Variants in SLC35D2 observed in about 807,000 individuals in gnomAD.
SLC35D2 encodes nucleotide sugar transporter SLC35D2.
Under a neutral mutation model 41.8 loss-of-function variants are expected in SLC35D2, and 43 were observed. The ratio of observed to expected loss-of-function variants is 1.03; its 90% CI spans 0.81 to 1.33. SLC35D2 has a LOEUF of 1.33. Among genes scored for constraint, SLC35D2 ranks in the 40% most tolerant of loss-of-function variants. SLC35D2 has a pLI of 0.00. For synonymous variants in SLC35D2, 150 were observed against 163.9 expected (o/e 0.92, Z 0.65); for missense variants, 380 against 408.4 (o/e 0.93, Z 0.60).
At chr9:96,313,454 G>C (rs1162953769) in exon 12 of SLC35D2, among the ~76,000 whole-genome samples, 1 of 152,198 alleles carries the variant, frequency 6.6e-6, no homozygotes, top group Non-Finnish European at 1.5e-5. Flanking sequence ...TCAGTGTTCA[G>C]AGTTTTTATT....
At position 96,359,818 on chromosome 9, in the gene SLC35D2, C is replaced by T. The variant is rs138081066; in HGVS notation, c.347+336G>A. 2.9e-3 allele frequency among the ~76,000 whole-genome samples: 448 copies of T among 152,290 alleles called. 14 individuals carry two copies. The East Asian group carries it at 0.065, about 22-fold the overall frequency. On this transcript the variant is annotated intron_variant, in intron 4 of 11. Transcript: ENST00000253270. ...CACCAAGGCTGAGGAGATGTTCCTG[C>T]TCTTATAAAACTGAGATGAAACCAA... is the stretch of plus-strand genomic sequence containing the variant.
chr9:96,321,429 T>C (rs1828221131), intron 11 of SLC35D2, 88 bp from the exon 12 acceptor site: 1 of 822,632 alleles, frequency 1.2e-6, no homozygotes, highest in Non-Finnish European at 2.0e-6. Flanking sequence ...TCAATACACC[T>C]GCTTCATGCG....
At chr9:96,325,170 C>A (rs1355549225) in intron 9 of SLC35D2, among the ~76,000 whole-genome samples, 6 of 152,122 alleles carry the variant, frequency 3.9e-5, no homozygotes, top group Non-Finnish European at 7.3e-5. Context: ...TGTGGATGAG[C>A]GCCAGACAAG....
Position 96,336,751 on chromosome 9 carries a change from A to T in SLC35D2, c.718T>A (p.Phe240Ile). Residue 240 changes from phenylalanine (F) to isoleucine (I), a missense_variant, in exon 9 of 12, where the codon TTT (phenylalanine) becomes ATT (isoleucine). Phe to Ile is a conservative substitution (Grantham distance 21). Coordinates refer to ENST00000253270, the MANE Select transcript of SLC35D2 (RefSeq NM_007001.3). ...TEFNQWKNVVFILQFLLSCFL... is the reference protein window; with the variant it reads ...TEFNQWKNVVIILQFLLSCFL... Reference sequence around the variant, plus strand: ...CAGGAAAGAAGAAACTGTAGGATAAACACAACATTCTTCCATTGGTTGAAT... The same window carrying T: ...CAGGAAAGAAGAAACTGTAGGATAATCACAACATTCTTCCATTGGTTGAAT... 3.8e-6 allele frequency: 6 copies of T among 1,587,214 alleles called. No individual in the cohort carries two copies. The highest frequency in any genetic ancestry group is 5.2e-6 in the Non-Finnish European group (6 of 1,161,092).
chr9:96,313,687 C>G (rs1452232908), exon 12 of SLC35D2, among the ~76,000 whole-genome samples: 1 of 152,238 alleles, frequency 6.6e-6, no homozygotes, highest in African/African-American at 2.4e-5. Context: ...AAGCTTAGGG[C>G]AAAGACCAGA....
At chr9:96,344,733 G>A (rs1247111112) in intron 7 of SLC35D2, among the ~76,000 whole-genome samples, 2 of 148,052 alleles carry the variant, frequency 1.4e-5, no homozygotes, top group Non-Finnish European at 3.0e-5. Context: ...AGGGATGGGG[G>A]AGGGGGAGGG....
intron 1 of SLC35D2, among the ~76,000 whole-genome samples, chr9:96,383,163 A>T (rs1184000764): frequency 6.6e-6 from 1 of 152,222 alleles, no homozygotes; most frequent in Non-Finnish European, 1.5e-5. Flanking sequence ...CCTTTGAAGC[A>T]GGCATTTGAA....
rs1209019475 is a variant in SLC35D2 at position 96,371,812 on chromosome 9, C to T, written c.159-3507G>A. Among the ~76,000 whole-genome samples, 14 of 145,462 alleles carry T rather than the reference C, an allele frequency of 9.6e-5. No individual in the cohort carries two copies. The East Asian group carries it at 2.6e-3, about 27-fold the overall frequency. ...CGGGATCTCGGCTCACTGCAAGCTC[C>T]GCCTCCCGGGTTCACGCCATTCTCC... On this transcript the variant is annotated intron_variant, in intron 1 of 11. Transcript: ENST00000253270.
In SLC35D2 at chr9:96,323,985, G is replaced by A. The variant is rs1033612098; in HGVS notation, c.831+106C>T. The A allele has an allele frequency of 2.1e-5, 20 of 934,456 alleles. No homozygotes were observed. The Middle Eastern group carries it at 9.0e-4, about 42-fold the overall frequency. 57.9% of individuals were successfully genotyped at this position (934,456 alleles called of 1,614,324 possible). A position where few individuals can be genotyped will look rare whatever the true frequency, so the allele number is the denominator to read the frequency against. ...CCGAGCTGAAAAGGTCACAGCCCTCGTTCTTACACCACCACCAACAACAAA... is the reference window on the plus strand; with the variant it reads ...CCGAGCTGAAAAGGTCACAGCCCTCATTCTTACACCACCACCAACAACAAA... On this transcript the variant is annotated intron_variant, in intron 10 of 11. Coordinates refer to ENST00000253270, the MANE Select transcript of SLC35D2 (RefSeq NM_007001.3).
chr9:96,340,371 C>T (rs1829259763), intron 8 of SLC35D2, among the ~76,000 whole-genome samples: 1 of 151,954 alleles, frequency 6.6e-6, no homozygotes, highest in Admixed American at 6.6e-5. Context: ...GTAATTCTAG[C>T]ATTTTGGAAG....
chr9:96,337,981 CAAA>C (rs67714645), intron 8 of SLC35D2, among the ~76,000 whole-genome samples: 1 of 33,900 alleles, frequency 2.9e-5, no homozygotes, highest in Non-Finnish European at 5.2e-5. Context: ...AACTCCACCT[CAAA>C]AAAAAAAAAA....
At position 96,321,341 on chromosome 9, in the gene SLC35D2, GC is replaced by G. The variant is rs764379195; in HGVS notation, c.915-1del. On this transcript the variant is annotated splice_acceptor_variant, in intron 11 of 11. Transcript: ENST00000253270. LOFTEE classifies it high-confidence loss of function. ...AGGAATATCTCAAGCCCCCTGCCAT[GC>G]TGAAAGGAGAAAAAAAAGTGAAAAT... is the stretch of plus-strand genomic sequence containing the variant. 6.2e-7 allele frequency: 1 copy of G among 1,609,046 alleles called. No individual in the cohort carries two copies. Among genetic ancestry groups the G allele is most frequent in the South Asian group, 1.1e-5 (1 of 90,364 alleles).
At chr9:96,349,821 G>A (rs1189481330) in intron 6 of SLC35D2, among the ~76,000 whole-genome samples, 4 of 152,142 alleles carry the variant, frequency 2.6e-5, no homozygotes, top group Admixed American at 6.5e-5. Flanking sequence ...CACCACGCCC[G>A]GCCTGTCAGT....
intron 3 of SLC35D2, 36 bp from the exon 4 acceptor site, chr9:96,360,257 G>GA (rs1488874173): frequency 6.7e-7 from 1 of 1,499,302 alleles, no homozygotes; most frequent in Non-Finnish European, 9.2e-7. Context: ...TATTTGGTTA[G>GA]AACTCCAATA....
chr9:96,326,947 C>T (rs1055092623), intron 9 of SLC35D2, among the ~76,000 whole-genome samples: 3 of 152,174 alleles, frequency 2.0e-5, no homozygotes, highest in Non-Finnish European at 4.4e-5. Flanking sequence ...ACTGATGCCA[C>T]TGAGTGCCTG....
At chr9:96,313,635 C>A (rs1280160867) in exon 12 of SLC35D2, among the ~76,000 whole-genome samples, 1 of 152,186 alleles carries the variant, frequency 6.6e-6, no homozygotes, top group Non-Finnish European at 1.5e-5. Flanking sequence ...CCCAAGGTCC[C>A]CAGGCAAACA....
intron 8 of SLC35D2, among the ~76,000 whole-genome samples, chr9:96,339,998 C>T (rs1239129432): frequency 6.6e-6 from 1 of 152,194 alleles, no homozygotes; most frequent in East Asian, 1.9e-4. Context: ...GAGAAGTTAA[C>T]ATTTTGCTCT....
In SLC35D2 at chr9:96,336,746, G is replaced by A. The variant is rs1829068384; in HGVS notation, c.723C>T (p.Ile241=). ...AAAAACAGGAAAGAAGAAACTGTAGGATAAACACAACATTCTTCCATTGGT... is the reference window on the plus strand; with the variant it reads ...AAAAACAGGAAAGAAGAAACTGTAGAATAAACACAACATTCTTCCATTGGT... ...EFNQWKNVVF[I]LQFLLSCFLG... Residue 241 remains isoleucine (I), a synonymous_variant, in exon 9 of 12, where the codon ATC becomes ATT. Coordinates refer to ENST00000253270, the MANE Select transcript of SLC35D2 (RefSeq NM_007001.3). 3.2e-6 allele frequency: 5 copies of A among 1,586,768 alleles called. No individual in the cohort carries two copies. Among genetic ancestry groups the A allele is most frequent in the Admixed American group, 3.4e-5 (2 of 58,520 alleles).
chr9:96,336,246 G>T (rs559762548), intron 9 of SLC35D2, among the ~76,000 whole-genome samples: 1 of 152,124 alleles, frequency 6.6e-6, no homozygotes, highest in South Asian at 2.1e-4. Context: ...TGACAAAGAT[G>T]AAAACATATT....
Sources: allele counts gnomAD v4.1 joint callset (sites outside exome capture counted in the v4.1 genomes callset), GRCh38; gene constraint gnomAD v4.1.1; transcripts MANE v1.5; gene names NCBI Gene and HGNC (gene_info 2026-07-23, HGNC 2026-07-21).